DNAAF11: variants seen among roughly 807,000 people sequenced by gnomAD.
DNAAF11 encodes leucine rich repeat containing 6.
A neutral mutation model predicts 60.8 loss-of-function variants in DNAAF11; 45 were observed. The observed-to-expected ratio is 0.74, with a 90% CI of 0.58 to 0.95. DNAAF11 has a LOEUF of 0.95. Ranked by LOEUF, DNAAF11 falls within the 40% of genes least tolerant of loss-of-function variation. The pLI, the probability that DNAAF11 is intolerant of heterozygous loss-of-function variation, is 0.00. For missense variants in DNAAF11, 546 were observed against 546.2 expected, an observed-to-expected ratio of 1.00 and a Z score of 0.00; for synonymous variants, 191 against 183.5, an observed-to-expected ratio of 1.04 and a Z score of -0.33.
chr8:132,614,865 C>T (rs1455076657), intron 8 of DNAAF11, among the ~76,000 whole-genome samples, 173 bp downstream of exon 8: 1 of 152,164 alleles, frequency 6.6e-6, no homozygotes, highest in African/African-American at 2.4e-5. Context: ...TTTACCTTTC[C>T]TTTCATTTTC....
intron 2 of DNAAF11, among the ~76,000 whole-genome samples, chr8:132,658,392 A>G (rs951624274): frequency 6.6e-6 from 1 of 151,956 alleles, no homozygotes; most frequent in African/African-American, 2.4e-5. Flanking sequence ...GCCCAATCTC[A>G]GCTCACTGCA....
chr8:132,598,637 T>C (rs544844274), intron 10 of DNAAF11, among the ~76,000 whole-genome samples: 2 of 152,332 alleles, frequency 1.3e-5, no homozygotes, highest in Admixed American at 6.5e-5. Context: ...TGGGTATACA[T>C]GTAAAAACCC....
At position 132,674,196 on chromosome 8, in the gene DNAAF11, A is replaced by AAGGAGGAGGAGGAGAAGG. The variant is rs1352266382; in HGVS notation, c.10+1287_10+1288insCCTTCTCCTCCTCCTCCT. On this transcript the variant is annotated intron_variant, in intron 1 of 11. Coordinates refer to ENST00000620350, the MANE Select transcript of DNAAF11 (RefSeq NM_012472.6). ...GGAGGAGGAGAAGGAGGAGGAGGAGAAGGAGGAGGAGAAGGAGGAGGAGGA... is the reference window on the plus strand; with the variant it reads ...GGAGGAGGAGAAGGAGGAGGAGGAGAAGGAGGAGGAGGAGAAGGAGGAGGAGGAGAAGGAGGAGGAGGA... 4.5e-4 allele frequency among the ~76,000 whole-genome samples: 42 copies of AAGGAGGAGGAGGAGAAGG among 94,296 alleles called. 2 individuals are homozygous for AAGGAGGAGGAGGAGAAGG. The highest frequency in any genetic ancestry group is 1.9e-3 in the African/African-American group (39 of 20,492). 61.9% of individuals were successfully genotyped at this position (94,296 alleles called of 152,430 possible).
At chr8:132,645,667 A>G (rs1368556660) in intron 3 of DNAAF11, among the ~76,000 whole-genome samples, 1 of 152,204 alleles carries the variant, frequency 6.6e-6, no homozygotes, top group Non-Finnish European at 1.5e-5. Context: ...GGAGCTGACA[A>G]TCATGGCATG....
chr8:132,624,108 TATATAA>T (rs1322582164), intron 6 of DNAAF11, among the ~76,000 whole-genome samples: 4 of 152,178 alleles, frequency 2.6e-5, no homozygotes, highest in African/African-American at 9.7e-5. Context: ...TACCCACAGA[TATATAA>T]ATATAACATA....
At chr8:132,630,069 A>C (rs1273187744) in intron 5 of DNAAF11, among the ~76,000 whole-genome samples, 2 of 152,208 alleles carry the variant, frequency 1.3e-5, no homozygotes, top group Non-Finnish European at 2.9e-5. Context: ...ACTTTCCCTC[A>C]ATTAACATAT....
chr8:132,689,315 A>C, the DNAAF11 span, among the ~76,000 whole-genome samples: 2 of 152,206 alleles, frequency 1.3e-5, no homozygotes, highest in African/African-American at 4.8e-5. Flanking sequence ...TGTACTTGAA[A>C]TCATAGAGAT....
In DNAAF11 at chr8:132,572,444, G is replaced by C. The variant is rs376047404; in HGVS notation, c.1263C>G (p.Ser421Arg). 2 of 1,610,318 alleles carry C rather than the reference G, an allele frequency of 1.2e-6. No homozygotes were observed. Among genetic ancestry groups the C allele is most frequent in the East Asian group, 4.5e-5 (2 of 44,758 alleles). The change falls in exon 12 of 12, where the codon AGC (serine) becomes AGG (arginine). Residue 421 changes from serine (S) to arginine (R), a missense_variant. Ser to Arg is a moderately radical substitution (Grantham distance 110, BLOSUM62 -1). Transcript: ENST00000620350. The stretch of plus-strand genomic sequence containing the variant: ...TAGTCACATCAGGGAATGAGTGCTT[G>C]CTAGGGTCTACTTCTAGTTTCTCCA... The part of the protein sequence containing the change: ...KHMEKLEVDP[S>R]KHSFPDVTNI...
chr8:132,643,540 G>A (rs1297113881), intron 3 of DNAAF11: 1 of 424,744 alleles, frequency 2.4e-6, no homozygotes, highest in African/African-American at 2.0e-5. Flanking sequence ...CCCCGTAAAT[G>A]GGTCCGTATG....
intron 3 of DNAAF11, among the ~76,000 whole-genome samples, chr8:132,638,949 T>C (rs988260806): frequency 3.3e-5 from 5 of 152,232 alleles, no homozygotes; most frequent in African/African-American, 1.2e-4. Flanking sequence ...TAATGTGACC[T>C]TGGGTAAGTT....
Position 132,615,093 on chromosome 8 carries a change from C to T in DNAAF11, c.919G>A (p.Asp307Asn), listed in dbSNP as rs763799383. Residue 307 changes from aspartate to asparagine, a missense_variant, in exon 8 of 12, where the codon GAC (aspartate) becomes AAC (asparagine). Asp to Asn is a conservative substitution (Grantham distance 23, BLOSUM62 1). Transcript: ENST00000620350. ...TTTTCGTTATCTTTCAAAGAGAAGT[C>T]AATTCTAAGAATAACACATTTGGTG... The part of the protein sequence containing the change: ...KALNVNEPKI[D>N]FSLKDNEKQI... The T allele has an allele frequency of 3.1e-6, 5 of 1,602,242 alleles. No individual in the cohort carries two copies. In the East Asian group the frequency reaches 1.1e-4, roughly 36 times the overall value.
intron 10 of DNAAF11, among the ~76,000 whole-genome samples, chr8:132,597,210 T>C (rs1448559751): frequency 1.3e-5 from 2 of 152,156 alleles, no homozygotes; most frequent in South Asian, 2.1e-4. Flanking sequence ...TTCATGGATA[T>C]AAAGAATACA....
chr8:132,643,725 T>C (rs1244488421), intron 3 of DNAAF11: 8 of 456,086 alleles, frequency 1.8e-5, no homozygotes, highest in African/African-American at 1.6e-4. Context: ...ATAAGCATGA[T>C]GTAAGTGCAA....
chr8:132,634,840 G>T (rs1009688271), intron 4 of DNAAF11, among the ~76,000 whole-genome samples: 41 of 150,206 alleles, frequency 2.7e-4, no homozygotes, highest in African/African-American at 9.3e-4. Context: ...ATTATAACAA[G>T]CTAGAAAACT....
chr8:132,610,869 T>C (rs984718953), intron 9 of DNAAF11, among the ~76,000 whole-genome samples: 11 of 152,092 alleles, frequency 7.2e-5, no homozygotes, highest in Admixed American at 7.2e-4. Flanking sequence ...CCTTTTTCTA[T>C]GTTTTGTTTT....
At chr8:132,658,054 G>A (rs1319175755) in intron 2 of DNAAF11, among the ~76,000 whole-genome samples, 1 of 152,194 alleles carries the variant, frequency 6.6e-6, no homozygotes, top group Non-Finnish European at 1.5e-5. Context: ...GGTACACCAT[G>A]AAGCTCAAAG....
intron 4 of DNAAF11, 95 bp downstream of exon 4, chr8:132,637,840 G>T: frequency 9.6e-7 from 1 of 1,037,366 alleles, no homozygotes; most frequent in Non-Finnish European, 1.4e-6. Flanking sequence ...ATTATCTGAA[G>T]CAACACATTC....
At chr8:132,578,601 C>A in intron 11 of DNAAF11, 4 of 746,240 alleles carry the variant, frequency 5.4e-6, no homozygotes, top group Admixed American at 5.4e-5. Context: ...AAGTGCAAAA[C>A]ACATCAGAGA....
At chr8:132,679,442 G>A (rs1825833357), upstream of DNAAF11, among the ~76,000 whole-genome samples, 1 of 152,194 alleles carries the variant, frequency 6.6e-6, no homozygotes. Context: ...AAGGAATCTA[G>A]CAGGCTTACC....
Sources: allele counts gnomAD v4.1 joint callset (sites outside exome capture counted in the v4.1 genomes callset), GRCh38; gene constraint gnomAD v4.1.1; transcripts MANE v1.5; gene names NCBI Gene and HGNC (gene_info 2026-07-23, HGNC 2026-07-21).